Variants in HBP1 observed in about 807,000 individuals in gnomAD.
The protein encoded by HBP1 is HMG-box transcription factor 1, also known as HMG box-containing protein 1.
A neutral mutation model predicts 62.6 loss-of-function variants in HBP1; 20 were observed. That is an observed-to-expected ratio of 0.32 (90% CI 0.22 to 0.46). The LOEUF is 0.46. Ranked by LOEUF, HBP1 falls within the 20% of genes least tolerant of loss-of-function variation. The probability of loss-of-function intolerance (pLI) is 1.00; values close to 1 mark genes in which losing one functional copy is unlikely to be tolerated. For synonymous variants in HBP1, 232 were observed against 206.2 expected (o/e 1.12, Z -1.07); for missense variants, 480 against 611.8 (o/e 0.78, Z 2.27).
chr7:107,188,663 A>G (rs1296079139), intron 6 of HBP1, among the ~76,000 whole-genome samples: 1 of 152,224 alleles, frequency 6.6e-6, no homozygotes, highest in Non-Finnish European at 1.5e-5. Flanking sequence ...TGCACTTGTC[A>G]ATTCAGGTCT....
rs1161412933 is a variant in HBP1, at chr7:107,200,770, T to C, written c.1527+469T>C. ...GTGCCATTGGCACAGAATTTCTAGATTGAAAAATTTCAAGGAGGAGAAGAA... is the reference window on the plus strand; with the variant it reads ...GTGCCATTGGCACAGAATTTCTAGACTGAAAAATTTCAAGGAGGAGAAGAA... On this transcript the variant is annotated intron_variant, in intron 10 of 10. Transcript: ENST00000222574. 3.3e-5 allele frequency: 5 copies of C among 152,960 alleles called. No individual in the cohort carries two copies. In the South Asian group the frequency reaches 8.2e-4, roughly 25 times the overall value. The allele number at this position is 152,960 out of a possible 1,614,324, so 9.5% of individuals were successfully genotyped here.
chr7:107,182,363 T>C lies in HBP1; in HGVS notation c.170-10T>C. The C allele has an allele frequency of 6.7e-7, 1 of 1,496,702 alleles. No individual in the cohort carries two copies. The highest frequency in any genetic ancestry group is 9.3e-7 in the Non-Finnish European group (1 of 1,073,216). 92.7% of individuals were successfully genotyped at this position (1,496,702 alleles called of 1,614,324 possible). ...TTCCTTTTTATGATTTTGAGTGTGC[T>C]TATTTGCAGATGACCTTCCTGAACT... On this transcript the variant is annotated splice_polypyrimidine_tract_variant and intron_variant, in intron 2 of 10. Transcript: ENST00000222574.
At chr7:107,186,147 C>CTTTTTTTTTTTTTT (rs961142033) in intron 4 of HBP1, among the ~76,000 whole-genome samples, 1 of 135,116 alleles carries the variant, frequency 7.4e-6, no homozygotes, top group African/African-American at 2.8e-5. Context: ...TTGTGTGTGT[C>CTTTTTTTTTTTTTT]TTTTTTTTCT....
chr7:107,195,712 TAGGGGGAA>T, intron 8 of HBP1, 114 bp from the exon 9 acceptor site: 1 of 480,870 alleles, frequency 2.1e-6, no homozygotes, highest in Non-Finnish European at 3.5e-6. Context: ...TAACATGATA[TAGGGGGAA>T]ATGCACTGAA....
Position 107,196,126 on chromosome 7 carries a change from C to A in HBP1, c.1360C>A (p.Gln454Lys). The change falls in exon 9 of 11, where the codon CAG becomes AAG. Residue 454 changes from glutamine to lysine, a missense_variant. Around this residue, in one of 4 missense-constraint regions of HBP1, gnomAD observed 52 missense variants for 96.0 expected, o/e 0.54. Coordinates refer to ENST00000222574, the MANE Select transcript of HBP1 (RefSeq NM_012257.4). ...CAAAAAATACAGAGTTGAATATACT[C>A]AGATGTATCCAGGGAAAGATAACAG... is the stretch of plus-strand genomic sequence containing the variant. ...FAKKYRVEYT[Q>K]MYPGKDNRAI... 6.3e-7 allele frequency: 1 copy of A among 1,599,290 alleles called. No homozygotes were observed. Among genetic ancestry groups the A allele is most frequent in the South Asian group, 1.1e-5 (1 of 90,736 alleles).
At chr7:107,197,787 TTAAG>T (rs1321677170) in intron 9 of HBP1, among the ~76,000 whole-genome samples, 4 of 152,356 alleles carry the variant, frequency 2.6e-5, no homozygotes, top group Admixed American at 2.0e-4. Context: ...AAGAGTGGGT[TTAAG>T]TGTGTTTTTT....
At position 107,186,417 on chromosome 7, in the gene HBP1, T is replaced by C; in HGVS notation, c.597T>C (p.Asp199=). The C allele has an allele frequency of 6.2e-7, 1 of 1,613,640 alleles. No individual in the cohort carries two copies. Among genetic ancestry groups the C allele is most frequent in the Non-Finnish European group, 8.5e-7 (1 of 1,179,582 alleles). The change falls in exon 5 of 11, where the codon GAT becomes GAC. Residue 199 remains aspartate, a synonymous_variant. Coordinates refer to ENST00000222574, the MANE Select transcript of HBP1 (RefSeq NM_012257.4). ...IFCMSSLSDD[D]DLGWCNSWPS... ...GCATGTCCTCCCTGTCAGATGATGA[T>C]GATTTGGGATGGTGCAATTCCTGGC...
At chr7:107,199,927 G>T (rs1798142887) in intron 9 of HBP1, among the ~76,000 whole-genome samples, 1 of 152,214 alleles carries the variant, frequency 6.6e-6, no homozygotes. Context: ...GGCACAAATA[G>T]ATTAGCTTTT....
At chr7:107,182,326 T>C (rs1273296314) in intron 2 of HBP1, 47 bp from the exon 3 acceptor site, 2 of 1,006,018 alleles carry the variant, frequency 2.0e-6, no homozygotes, top group South Asian at 1.3e-5. Flanking sequence ...TATTGTTCCT[T>C]GTATTAGTAA....
At position 107,196,021 on chromosome 7, in the gene HBP1, A is replaced by C; in HGVS notation, c.1255A>C (p.Lys419Gln). The C allele has an allele frequency of 6.2e-7, 1 of 1,613,970 alleles. No individual in the cohort carries two copies. Among genetic ancestry groups the C allele is most frequent in the Non-Finnish European group, 8.5e-7 (1 of 1,179,830 alleles). ...CAATTCTTTGTATGCTAAAGCTGTC[A>C]AAAACCACAGCTCAGGGACTGTGAG... is the stretch of plus-strand genomic sequence containing the variant. ...SSNSLYAKAV[K>Q]NHSSGTVSAT... Residue 419 changes from lysine to glutamine, a missense_variant, in exon 9 of 11, where the codon AAA (lysine) becomes CAA (glutamine). By Grantham distance (53) the Lys-to-Gln change is moderately conservative. Around this residue, in one of 4 missense-constraint regions of HBP1, gnomAD observed 66 missense variants for 56.4 expected, o/e 1.17. Transcript: ENST00000222574.
intron 1 of HBP1, among the ~76,000 whole-genome samples, chr7:107,176,445 C>G (rs531111293): frequency 1.1e-4 from 17 of 152,274 alleles, no homozygotes; most frequent in Admixed American, 8.5e-4. Flanking sequence ...TCCAGCATTG[C>G]AACTAATACA....
Position 107,196,125 on chromosome 7 carries a change from T to G in HBP1, c.1359T>G (p.Thr453=), listed in dbSNP as rs200588377. The G allele has an allele frequency of 1.2e-5, 20 of 1,601,658 alleles. No homozygotes were observed. The Admixed American group carries it at 3.2e-4, about 25-fold the overall frequency. The change falls in exon 9 of 11, where the codon ACT becomes ACG. Residue 453 remains threonine, a synonymous_variant. Coordinates refer to ENST00000222574, the MANE Select transcript of HBP1 (RefSeq NM_012257.4). ...CCAAAAAATACAGAGTTGAATATAC[T>G]CAGATGTATCCAGGGAAAGATAACA... The part of the protein sequence containing the change: ...LFAKKYRVEY[T]QMYPGKDNRA...
chr7:107,184,016 T>C (rs1326297663), intron 3 of HBP1, among the ~76,000 whole-genome samples: 4 of 152,216 alleles, frequency 2.6e-5, no homozygotes, highest in South Asian at 2.1e-4. Context: ...TGTTTGGACG[T>C]GTTTAGCATG....
intron 3 of HBP1, among the ~76,000 whole-genome samples, chr7:107,185,274 A>G (rs1238415530): frequency 6.6e-6 from 1 of 152,176 alleles, no homozygotes; most frequent in Non-Finnish European, 1.5e-5. Flanking sequence ...GTCCAGTTAC[A>G]AGGAGGGTGG....
chr7:107,189,914 CGGAT>C lies in HBP1; in HGVS notation c.923-255_923-252del, dbSNP rs59571876. 2,349 of 314,180 alleles carry C rather than the reference CGGAT, an allele frequency of 7.5e-3. 52 individuals carry two copies. The highest frequency in any genetic ancestry group is 0.046 in the African/African-American group (2,127 of 46,450). 19.5% of individuals were successfully genotyped at this position (314,180 alleles called of 1,614,324 possible). On this transcript the variant is annotated intron_variant, in intron 7 of 10. Coordinates refer to ENST00000222574, the MANE Select transcript of HBP1 (RefSeq NM_012257.4). ...TGGAAGTGCTCATTGTCATTGTAGA[CGGAT>C]GGAAGTGCTGATTGATAGAGGAGCT...
chr7:107,195,926 GT>G lies in HBP1; in HGVS notation c.1161del (p.Gly388ValfsTer39). ...RRASLSCGGPGGQDFARSGFS... is the reference protein window; with the variant it reads ...RRASLSCGGPXGQDFARSGFS... ...GCATCTTTGTCTTGTGGAGGACCTGGTGGTCAAGACTTTGCAAGATCTGGAT... is the reference window on the plus strand; with the variant it reads ...GCATCTTTGTCTTGTGGAGGACCTGGGGTCAAGACTTTGCAAGATCTGGAT... On this transcript the variant is annotated frameshift_variant, in exon 9 of 11. Transcript: ENST00000222574. LOFTEE classifies it high-confidence loss of function. The G allele has an allele frequency of 6.2e-7, 1 of 1,613,550 alleles. No individual in the cohort carries two copies. The highest frequency in any genetic ancestry group is 8.5e-7 in the Non-Finnish European group (1 of 1,179,494).
At chr7:107,199,765 T>C (rs1031124669) in intron 9 of HBP1, among the ~76,000 whole-genome samples, 3 of 152,236 alleles carry the variant, frequency 2.0e-5, no homozygotes, top group Non-Finnish European at 4.4e-5. Flanking sequence ...ATTTTGAGTT[T>C]ATCCAGTTTT....
intron 4 of HBP1, 132 bp from the exon 5 acceptor site, chr7:107,186,229 A>G (rs1797368849): frequency 3.9e-6 from 2 of 506,844 alleles, no homozygotes; most frequent in Admixed American, 4.1e-5. Context: ...TGAAGGCATT[A>G]TATTTTCCCT....
chr7:107,177,491 G>C (rs555219372), intron 1 of HBP1, among the ~76,000 whole-genome samples: 1 of 152,186 alleles, frequency 6.6e-6, no homozygotes, highest in African/African-American at 2.4e-5. Context: ...CAAGAACGCT[G>C]TATCTAGCAA....
Sources: gnomAD v4.1 joint callset for allele counts (sites outside exome capture counted in the v4.1 genomes callset) on GRCh38, gnomAD v4.1.1 for gene constraint, gnomAD v4.1.1 regional missense constraint, MANE v1.5 for transcripts, NCBI Gene and HGNC (gene_info 2026-07-23, HGNC 2026-07-21) for gene names.